Variants in CLINT1 observed in about 807,000 individuals in gnomAD.
CLINT1 encodes clathrin interacting protein localized in the trans-Golgi region.
CLINT1 carries 15 observed loss-of-function variants against 70.4 expected under a neutral mutation model. That is an observed-to-expected ratio of 0.21 (90% CI 0.14 to 0.33). The LOEUF (loss-of-function observed/expected upper bound fraction) is 0.33. CLINT1 is among the 10% of genes least tolerant of loss of function. The probability of loss-of-function intolerance (pLI) is 1.00; values close to 1 mark genes in which losing one functional copy is unlikely to be tolerated. For synonymous variants in CLINT1, 227 were observed against 254.7 expected (o/e 0.89, Z 1.04); for missense variants, 615 against 778.1 (o/e 0.79, Z 2.49).
At chr5:157,788,030 T>C (rs778451320) in intron 11 of CLINT1, 38 bp from the exon 12 acceptor site, 1 of 1,498,088 alleles carries the variant, frequency 6.7e-7, no homozygotes, top group Non-Finnish European at 9.1e-7. Flanking sequence ...TTTACCACAA[T>C]AAATTTTTAG....
At chr5:157,813,023 T>C in intron 5 of CLINT1, 40 bp downstream of exon 5, 2 of 1,584,554 alleles carry the variant, frequency 1.3e-6, no homozygotes, top group African/African-American at 1.4e-5. Context: ...CTCAAGAAGC[T>C]AAGCTGATGC....
chr5:157,823,784 G>A (rs1762947362), intron 1 of CLINT1: 2 of 750,796 alleles, frequency 2.7e-6, no homozygotes, highest in South Asian at 6.1e-5. Flanking sequence ...AACCCCCGGA[G>A]TTGCGGACCG....
intron 6 of CLINT1, among the ~76,000 whole-genome samples, chr5:157,807,706 T>A (rs879035394): frequency 6.6e-6 from 1 of 152,058 alleles, no homozygotes; most frequent in Non-Finnish European, 1.5e-5. Flanking sequence ...CTCTAGGAGA[T>A]CCTGTCTTAG....
intron 8 of CLINT1, among the ~76,000 whole-genome samples, chr5:157,801,437 G>T (rs1262255802): frequency 6.6e-6 from 1 of 152,018 alleles, no homozygotes; most frequent in Non-Finnish European, 1.5e-5. Context: ...AACCCGGGAG[G>T]CAGAGGTTGC....
intron 7 of CLINT1, among the ~76,000 whole-genome samples, chr5:157,805,113 G>C (rs1762347338): frequency 6.6e-6 from 1 of 152,078 alleles, no homozygotes; most frequent in African/African-American, 2.4e-5. Context: ...ATTTGTTATT[G>C]CAACTAAGCA....
At chr5:157,826,638 G>C (rs254676) in intron 1 of CLINT1, among the ~76,000 whole-genome samples, 1 of 151,796 alleles carries the variant, frequency 6.6e-6, no homozygotes, top group East Asian at 1.9e-4. Context: ...ATACATGCAT[G>C]TGAGATCATA....
intron 1 of CLINT1, among the ~76,000 whole-genome samples, chr5:157,831,494 A>G (rs1581523892): frequency 6.6e-6 from 1 of 151,624 alleles, no homozygotes; most frequent in South Asian, 2.1e-4. Context: ...GGCCTTACTT[A>G]TAACACATAG....
chr5:157,851,453 C>T (rs1753572133), intron 1 of CLINT1, among the ~76,000 whole-genome samples: 1 of 152,008 alleles, frequency 6.6e-6, no homozygotes, highest in Non-Finnish European at 1.5e-5. Context: ...TTTTGGGAGG[C>T]CACGGTGGGT....
chr5:157,852,207 T>C (rs1352503143), intron 1 of CLINT1, among the ~76,000 whole-genome samples: 1 of 152,244 alleles, frequency 6.6e-6, no homozygotes, highest in Non-Finnish European at 1.5e-5. Context: ...TATTAAGAAT[T>C]GGCAGATGGA....
chr5:157,841,596 G>A (rs1753180754), intron 1 of CLINT1, among the ~76,000 whole-genome samples: 2 of 152,058 alleles, frequency 1.3e-5, no homozygotes, highest in African/African-American at 2.4e-5. Context: ...AGGATTGGTT[G>A]GTATTTCCTT....
chr5:157,837,127 A>G (rs1763449178), intron 1 of CLINT1, among the ~76,000 whole-genome samples: 1 of 152,218 alleles, frequency 6.6e-6, no homozygotes, highest in Non-Finnish European at 1.5e-5. Context: ...GTAAGCATTA[A>G]GAATATACTG....
At chr5:157,802,417 T>C (rs1349913819) in intron 8 of CLINT1, among the ~76,000 whole-genome samples, 1 of 152,128 alleles carries the variant, frequency 6.6e-6, no homozygotes, top group Non-Finnish European at 1.5e-5. Flanking sequence ...AAAATATCAA[T>C]TTTCTTGAAA....
Position 157,786,005 on chromosome 5 carries a change from T to G in CLINT1, c.*1641A>C, listed in dbSNP as rs539499496. 6.6e-6 allele frequency: 1 copy of G among 152,324 alleles called. No homozygotes were observed. Among genetic ancestry groups the G allele is most frequent in the South Asian group, 2.1e-4 (1 of 4,834 alleles). The allele number at this position is 152,324 out of a possible 1,614,324, so 9.4% of individuals were successfully genotyped here. On this transcript the variant is annotated 3_prime_UTR_variant, in exon 12 of 12. Transcript: ENST00000411809. ...AGCTAATTACACTCACTCTCATCTC[T>G]TATTCAGCAAATGAATCACTTTTCA...
At chr5:157,789,815 GC>G (rs1761847344) in intron 10 of CLINT1, 3 of 472,628 alleles carry the variant, frequency 6.3e-6, no homozygotes, top group Admixed American at 3.6e-5. Context: ...AAGTCTAGAA[GC>G]CACCATCCCT....
chr5:157,825,475 A>G (rs1763007272), intron 1 of CLINT1, among the ~76,000 whole-genome samples: 1 of 152,158 alleles, frequency 6.6e-6, no homozygotes, highest in African/African-American at 2.4e-5. Flanking sequence ...GGAGGAGGGG[A>G]GCCCCATAAT....
intron 3 of CLINT1, among the ~76,000 whole-genome samples, chr5:157,815,806 G>A (rs1762703509): frequency 1.3e-5 from 2 of 152,198 alleles, no homozygotes; most frequent in Non-Finnish European, 1.5e-5. Flanking sequence ...CATTGTTACT[G>A]TAATGACTAC....
rs1461665589 is a variant in CLINT1, at chr5:157,858,789, G to A, written c.41+141C>T. The A allele has an allele frequency of 6.9e-6, 6 of 866,318 alleles. No individual in the cohort carries two copies. The East Asian group carries it at 1.9e-4, about 27-fold the overall frequency. The allele number at this position is 866,318 out of a possible 1,614,324, so 53.7% of individuals were successfully genotyped here. A position where few individuals can be genotyped will look rare whatever the true frequency, so the allele number is the denominator to read the frequency against. On this transcript the variant is annotated intron_variant, in intron 1 of 11. Transcript: ENST00000411809. ...CCAGCGGGGATGAGGCCCGGGGCCG[G>A]GAAGGAGCGGGCCGCCGCCATGATG...
At chr5:157,807,989 A>G (rs906845718) in intron 6 of CLINT1, among the ~76,000 whole-genome samples, 2 of 152,262 alleles carry the variant, frequency 1.3e-5, no homozygotes, top group African/African-American at 4.8e-5. Context: ...GAAAAACTGG[A>G]ATGTGATCTT....
chr5:157,846,582 T>C (rs1753387758), intron 1 of CLINT1, among the ~76,000 whole-genome samples: 1 of 152,198 alleles, frequency 6.6e-6, no homozygotes, highest in Non-Finnish European at 1.5e-5. Context: ...TATGGCAAAT[T>C]ATCCAGAAGG....
Sources: gnomAD v4.1 joint callset for allele counts (sites outside exome capture counted in the v4.1 genomes callset) on GRCh38, gnomAD v4.1.1 for gene constraint, MANE v1.5 for transcripts, NCBI Gene and HGNC (gene_info 2026-07-23, HGNC 2026-07-21) for gene names.